The following VAV2 variants were observed in gnomAD, a reference collection of about 807,000 sequenced individuals.
VAV2 encodes guanine nucleotide exchange factor VAV2.
Under a neutral mutation model 132.5 loss-of-function variants are expected in VAV2, and 67 were observed. The observed-to-expected ratio is 0.51, with a 90% CI of 0.42 to 0.62. VAV2 has a LOEUF of 0.62. Ranked by LOEUF, VAV2 falls within the 20% of genes least tolerant of loss-of-function variation. VAV2 has a pLI of 0.00. For synonymous variants in VAV2, 492 were observed against 443.5 expected (o/e 1.11, Z -1.37); for missense variants, 938 against 1,153.6 (o/e 0.81, Z 2.71).
intron 4 of VAV2, among the ~76,000 whole-genome samples, chr9:133,822,476 C>T (rs1334830229): frequency 1.3e-5 from 2 of 152,112 alleles, no homozygotes; most frequent in South Asian, 2.1e-4. Context: ...GAAGGACGGA[C>T]GGAGAGATAG....
intron 3 of VAV2, among the ~76,000 whole-genome samples, chr9:133,853,175 G>T (rs947706157): frequency 6.6e-6 from 1 of 152,228 alleles, no homozygotes; most frequent in Non-Finnish European, 1.5e-5. Flanking sequence ...GCACACTCCT[G>T]GTGGCCAGTG....
At chr9:133,971,115 T>C (rs1402873445) in intron 1 of VAV2, among the ~76,000 whole-genome samples, 1 of 152,100 alleles carries the variant, frequency 6.6e-6, no homozygotes, top group Non-Finnish European at 1.5e-5. Flanking sequence ...AAGCCCCGGG[T>C]TCCACTCCCA....
rs546389383 is a variant in VAV2, at chr9:133,979,276, G to A, written c.204+12799C>T. Among the ~76,000 whole-genome samples, 30 of 152,338 alleles carry A rather than the reference G, an allele frequency of 2.0e-4. No individual in the cohort carries two copies. The East Asian group carries it at 5.0e-3, about 25-fold the overall frequency. On this transcript the variant is annotated intron_variant, in intron 1 of 29. Coordinates refer to ENST00000371850, the MANE Select transcript of VAV2 (RefSeq NM_001134398.2). ...CTCCTAAAATACCCCCTTTGACAGC[G>A]GAGAATGCAGGGTCCAGAGAGGCGC...
intron 2 of VAV2, among the ~76,000 whole-genome samples, chr9:133,873,259 A>T (rs1838133704): frequency 6.6e-6 from 1 of 152,228 alleles, no homozygotes; most frequent in Non-Finnish European, 1.5e-5. Flanking sequence ...GGCTCAGACC[A>T]GGACATTACG....
rs527496801 is a variant in VAV2, at chr9:133,937,861, G to C, written c.321+1242C>G. Among the ~76,000 whole-genome samples, 9 of 152,204 alleles carry C rather than the reference G, an allele frequency of 5.9e-5. No homozygotes were observed. The South Asian group carries it at 1.9e-3, about 32-fold the overall frequency. On this transcript the variant is annotated intron_variant, in intron 2 of 29. Coordinates refer to ENST00000371850, the MANE Select transcript of VAV2 (RefSeq NM_001134398.2). ...GAGGGGGCTCAGTGAGTCATTTAAG[G>C]GACACAAACTTCTAAGGATTCGATG...
chr9:133,805,567 A>G (rs1835101205), intron 9 of VAV2, among the ~76,000 whole-genome samples: 1 of 142,244 alleles, frequency 7.0e-6, no homozygotes, highest in South Asian at 2.3e-4. Context: ...CCCAACCTCC[A>G]ACAGCCTGGG....
intron 1 of VAV2, among the ~76,000 whole-genome samples, chr9:133,983,972 T>G (rs994227042): frequency 6.6e-6 from 1 of 151,968 alleles, no homozygotes; most frequent in African/African-American, 2.4e-5. Context: ...TTTCTGTGAG[T>G]TTTTTGTTTT....
intron 1 of VAV2, among the ~76,000 whole-genome samples, chr9:133,985,264 G>C (rs1055652153): frequency 2.3e-4 from 34 of 145,070 alleles, no homozygotes; most frequent in Middle Eastern, 3.5e-3. Context: ...GTGTGTGTGT[G>C]TGTGTGTGTG....
chr9:133,805,583 T>C (rs1230704569), intron 9 of VAV2, among the ~76,000 whole-genome samples: 1 of 151,542 alleles, frequency 6.6e-6, no homozygotes, highest in African/African-American at 2.4e-5. Flanking sequence ...CTGGGCATCG[T>C]CTAAGCTCCA....
chr9:133,930,435 CTCATTGCCTCTTGGCCTCT>C (rs1840643694), intron 2 of VAV2, among the ~76,000 whole-genome samples: 1 of 151,964 alleles, frequency 6.6e-6, no homozygotes, highest in African/African-American at 2.4e-5. Flanking sequence ...CTCCGGCATC[CTCATTGCCTCTTGGCCTCT>C]TCACTGCCAC....
At chr9:133,913,445 C>A (rs1412728864) in intron 2 of VAV2, among the ~76,000 whole-genome samples, 3 of 152,126 alleles carry the variant, frequency 2.0e-5, no homozygotes, top group Admixed American at 2.0e-4. Flanking sequence ...TTCCTGGTGC[C>A]CCACTCCGGA....
At chr9:133,980,718 G>A (rs1179362935) in intron 1 of VAV2, among the ~76,000 whole-genome samples, 9 of 152,208 alleles carry the variant, frequency 5.9e-5, no homozygotes, top group Non-Finnish European at 7.4e-5. Context: ...AGCGGCAGCC[G>A]CTGCCTTATG....
chr9:133,931,235 C>T (rs1049333377), intron 2 of VAV2, among the ~76,000 whole-genome samples: 13 of 152,164 alleles, frequency 8.5e-5, no homozygotes, highest in Non-Finnish European at 1.8e-4. Context: ...TGCAGGAGAG[C>T]GGGAAGGCAC....
At position 133,763,986 on chromosome 9, in the gene VAV2, G is replaced by C; in HGVS notation, c.*76C>G. 6.4e-7 allele frequency: 1 copy of C among 1,560,984 alleles called. No homozygotes were observed. On this transcript the variant is annotated 3_prime_UTR_variant, in exon 30 of 30. Coordinates refer to ENST00000371850, the MANE Select transcript of VAV2 (RefSeq NM_001134398.2). The surrounding 1 kb of genome is among the most constrained non-coding windows in gnomAD (Gnocchi z 6.8). ...GTTGGTATTTCCCCTCTGAGTCACA[G>C]AGGAGCTAGAGACAGACTTCAGGGC... is the stretch of plus-strand genomic sequence containing the variant.
intron 2 of VAV2, among the ~76,000 whole-genome samples, chr9:133,925,507 T>G (rs747760965): frequency 6.6e-6 from 1 of 152,252 alleles, no homozygotes; most frequent in African/African-American, 2.4e-5. Context: ...CATGAGCCAC[T>G]GTACCTGGTC....
At chr9:133,770,341 G>A (rs368514993) in intron 27 of VAV2, 37 bp downstream of exon 27, 39 of 1,612,422 alleles carry the variant, frequency 2.4e-5, no homozygotes, top group Admixed American at 3.3e-5. Context: ...AGACCCCTCC[G>A]AGGAGTGCTG....
At chr9:133,974,489 C>T (rs532411542) in intron 1 of VAV2, among the ~76,000 whole-genome samples, 3 of 152,238 alleles carry the variant, frequency 2.0e-5, no homozygotes, top group African/African-American at 4.8e-5. Context: ...TTGCGCTGGG[C>T]CAAACACACA....
At position 133,788,912 on chromosome 9, in the gene VAV2, G is replaced by A. The variant is rs1564347715; in HGVS notation, c.1274+346C>T. 1.3e-5 allele frequency among the ~76,000 whole-genome samples: 2 copies of A among 152,196 alleles called. No individual in the cohort carries two copies. The highest frequency in any genetic ancestry group is 6.5e-5 in the Admixed American group (1 of 15,286). ...CCTGGACAAGCCTGGGCCACCGTGC[G>A]CCTGGACACTCTCCGGCAGTCATTT... On this transcript the variant is annotated intron_variant, in intron 14 of 29. Coordinates refer to ENST00000371850, the MANE Select transcript of VAV2 (RefSeq NM_001134398.2). The surrounding 1 kb of genome is among the most constrained non-coding windows in gnomAD (Gnocchi z 5.3).
intron 9 of VAV2, among the ~76,000 whole-genome samples, chr9:133,800,609 T>C (rs768191413): frequency 3.9e-5 from 6 of 152,164 alleles, no homozygotes; most frequent in Non-Finnish European, 5.9e-5. Context: ...CAAGTCTTCA[T>C]GTAGGTGGAA....
Sources: allele counts gnomAD v4.1 joint callset (sites outside exome capture counted in the v4.1 genomes callset), GRCh38; gene constraint gnomAD v4.1.1; non-coding constraint Gnocchi (gnomAD v3.1); transcripts MANE v1.5; gene names NCBI Gene and HGNC (gene_info 2026-07-23, HGNC 2026-07-21).